STAB1: variants seen among roughly 807,000 people sequenced by gnomAD.
STAB1 encodes stabilin-1.
STAB1 carries 250 observed loss-of-function variants against 332.4 expected under a neutral mutation model. That is an observed-to-expected ratio of 0.75 (90% CI 0.68 to 0.84). STAB1 has a LOEUF of 0.84. Among genes scored for constraint, STAB1 ranks in the 40% least tolerant of loss-of-function variants. The pLI is 0.00. For synonymous variants in STAB1, 1,475 were observed against 1,390.4 expected (o/e 1.06, Z -1.35); for missense variants, 3,249 against 3,489.7 (o/e 0.93, Z 1.74).
At position 52,520,237 on chromosome 3, in the gene STAB1, C is replaced by A; in HGVS notation, c.5446C>A (p.Leu1816Ile). ...LASDLPNLGP[L>I]RTMHGTPISF... ...ATCTGACCTGCCCAACCTGGGCCCA[C>A]TTCGAACCATGCATGGGACCCCCAT... is the stretch of plus-strand genomic sequence containing the variant. The change falls in exon 52 of 69, where the codon CTT becomes ATT. Residue 1816 changes from leucine to isoleucine, a missense_variant. Coordinates refer to ENST00000321725, the MANE Select transcript of STAB1 (RefSeq NM_015136.3). 1 of 1,613,176 alleles carries A rather than the reference C, an allele frequency of 6.2e-7. No homozygotes were observed.
chr3:52,508,078 C>T (rs746547511), intron 20 of STAB1, 52 bp downstream of exon 20: 50 of 1,571,534 alleles, frequency 3.2e-5, no homozygotes, highest in Non-Finnish European at 4.3e-5. Context: ...ACCTGCTGTT[C>T]CTCGGGGGCC....
chr3:52,522,513 C>T lies in STAB1; in HGVS notation c.6610+39C>T, dbSNP rs373346769. The T allele has an allele frequency of 6.2e-6, 10 of 1,613,056 alleles. No individual in the cohort carries two copies. The African/African-American group carries it at 1.2e-4, about 19-fold the overall frequency. ...CCCACTCCCAGTACCCATTTCATTC[C>T]TCAGAGCCGGCCAGCTGACCATGCA... On this transcript the variant is annotated intron_variant, in intron 60 of 68. Transcript: ENST00000321725.
rs761663098 is a variant in STAB1 at position 52,510,060 on chromosome 3, A to G, written c.2534+4A>G. 5.6e-6 allele frequency: 9 copies of G among 1,611,114 alleles called. No homozygotes were observed. The highest frequency in any genetic ancestry group is 6.8e-6 in the Non-Finnish European group (8 of 1,178,398). ...TTAGCCAGGAGGGTGTTGCCAGGTG[A>G]GGACCCACACCTTCTGTCTGCCCCA... On this transcript the variant is annotated splice_donor_region_variant and intron_variant, in intron 23 of 68. Transcript: ENST00000321725.
Position 52,523,973 on chromosome 3 carries a change from C to G in STAB1, c.7498C>G (p.Arg2500Gly), listed in dbSNP as rs138382714. 3.1e-6 allele frequency: 5 copies of G among 1,611,686 alleles called. No individual in the cohort carries two copies. The highest frequency in any genetic ancestry group is 4.2e-6 in the Non-Finnish European group (5 of 1,179,910). Residue 2500 changes from arginine (R) to glycine (G), a missense_variant, in exon 67 of 69, where the codon CGT (arginine) becomes GGT (glycine). Arg to Gly is a moderately radical substitution (Grantham distance 125, BLOSUM62 -2). Transcript: ENST00000321725. ...CTTGGTGGCCGGAGCTCTCTACCTC[C>G]GTGCCCGAGGCAAGCCCATGGGCTT... Reference protein sequence around the residue: ...LGLVAGALYLRARGKPMGFGF... With the variant: ...LGLVAGALYLGARGKPMGFGF...
At chr3:52,504,616 C>T in intron 11 of STAB1, 67 bp downstream of exon 11, 1 of 1,611,846 alleles carries the variant, frequency 6.2e-7, no homozygotes, top group Non-Finnish European at 8.5e-7. Flanking sequence ...CATCCCCAGT[C>T]TTCAGGGCCA....
chr3:52,496,046 C>T (rs1432552117), intron 1 of STAB1, among the ~76,000 whole-genome samples: 1 of 152,236 alleles, frequency 6.6e-6, no homozygotes, highest in East Asian at 1.9e-4. Flanking sequence ...CCCTTGAATC[C>T]TCACAGCCTC....
At chr3:52,499,910 A>AAC (rs1553664550) in intron 1 of STAB1, among the ~76,000 whole-genome samples, 18 of 146,576 alleles carry the variant, frequency 1.2e-4, no homozygotes, top group Non-Finnish European at 2.4e-4. Context: ...AAAAAAAAAA[A>AAC]AAAAAAAAAA....
At chr3:52,519,790 T>A in intron 50 of STAB1, 154 bp from the exon 51 acceptor site, 1 of 1,147,922 alleles carries the variant, frequency 8.7e-7, no homozygotes, top group Non-Finnish European at 1.2e-6. Context: ...GTGTGCACAG[T>A]TGAGATGTGT....
At chr3:52,520,720 G>C in intron 54 of STAB1, 22 bp downstream of exon 54, 1 of 1,612,170 alleles carries the variant, frequency 6.2e-7, no homozygotes, top group Non-Finnish European at 8.5e-7. Context: ...GGGGCTGAGT[G>C]GGGGTGGTGG....
At chr3:52,514,880 G>A in intron 35 of STAB1, 51 bp downstream of exon 35, 1 of 1,612,840 alleles carries the variant, frequency 6.2e-7, no homozygotes, top group Non-Finnish European at 8.5e-7. Flanking sequence ...AGAGCTGGGA[G>A]GGCCTAGCTG....
In STAB1 at chr3:52,512,940, C is replaced by T. The variant is rs757442795; in HGVS notation, c.3140C>T (p.Thr1047Met). ...CGAGCTTTCTGGCTGCAGCCAAGGA[C>T]GCTGCCGAACCTGGTCAGGTGGGGC... is the stretch of plus-strand genomic sequence containing the variant. ...EDRAFWLQPR[T>M]LPNLVRAHFL... Residue 1047 changes from threonine to methionine, a missense_variant, in exon 29 of 69, where the codon ACG (threonine) becomes ATG (methionine). Thr to Met is a moderately conservative substitution (Grantham distance 81). Coordinates refer to ENST00000321725, the MANE Select transcript of STAB1 (RefSeq NM_015136.3). 2.4e-5 allele frequency: 39 copies of T among 1,610,678 alleles called. No homozygotes were observed. Among genetic ancestry groups the T allele is most frequent in the East Asian group, 2.0e-4 (9 of 44,860 alleles).
Position 52,510,061 on chromosome 3 carries a change from G to A in STAB1, c.2534+5G>A. The A allele has an allele frequency of 6.2e-7, 1 of 1,611,552 alleles. No homozygotes were observed. The highest frequency in any genetic ancestry group is 8.5e-7 in the Non-Finnish European group (1 of 1,178,750). On this transcript the variant is annotated splice_donor_5th_base_variant and intron_variant, in intron 23 of 68. Transcript: ENST00000321725. ...TAGCCAGGAGGGTGTTGCCAGGTGA[G>A]GACCCACACCTTCTGTCTGCCCCAC... is the stretch of plus-strand genomic sequence containing the variant.
rs1440979411 is a variant in STAB1, at chr3:52,521,307, G to A, written c.5909-54G>A. On this transcript the variant is annotated intron_variant, in intron 55 of 68. Coordinates refer to ENST00000321725, the MANE Select transcript of STAB1 (RefSeq NM_015136.3). ...GGGCTAGGCTGGAGGTACGTATATGGGGGTCCTGGTGAGAGCCCCTGGCCC... is the reference window on the plus strand; with the variant it reads ...GGGCTAGGCTGGAGGTACGTATATGAGGGTCCTGGTGAGAGCCCCTGGCCC... The A allele has an allele frequency of 3.1e-6, 5 of 1,609,300 alleles. No individual in the cohort carries two copies. The African/African-American group carries it at 6.7e-5, about 22-fold the overall frequency.
Position 52,523,866 on chromosome 3 carries a change from T to A in STAB1, c.7396-5T>A. 6.3e-7 allele frequency: 1 copy of A among 1,595,984 alleles called. No individual in the cohort carries two copies. The highest frequency in any genetic ancestry group is 8.5e-7 in the Non-Finnish European group (1 of 1,171,336). ...CAGGTCAACACTCTCCCTGTTTGTT[T>A]GTAGCAGGCAGTGCTGGCGCCTGAA... On this transcript the variant is annotated splice_polypyrimidine_tract_variant and splice_region_variant and intron_variant, in intron 66 of 68. Coordinates refer to ENST00000321725, the MANE Select transcript of STAB1 (RefSeq NM_015136.3).
intron 17 of STAB1, 80 bp from the exon 18 acceptor site, chr3:52,506,612 G>C: frequency 6.9e-7 from 1 of 1,454,240 alleles, no homozygotes; most frequent in Non-Finnish European, 9.2e-7. Flanking sequence ...CTCTAACTGG[G>C]CTGCAGGGGT....
chr3:52,522,105 A>G lies in STAB1; in HGVS notation c.6340A>G (p.Met2114Val), dbSNP rs1392203352. The change falls in exon 59 of 69, where the codon ATG (methionine) becomes GTG (valine). Residue 2114 changes from methionine to valine, a missense_variant. By Grantham distance (21) the Met-to-Val change is conservative. Coordinates refer to ENST00000321725, the MANE Select transcript of STAB1 (RefSeq NM_015136.3). The stretch of plus-strand genomic sequence containing the variant: ...CGCCAACTGTAGCCAGGTAGGAACA[A>G]TGGTCACTTGTACCTGCCTGCCCGA... ...EHANCSQVGTMVTCTCLPDYE... is the reference protein window; with the variant it reads ...EHANCSQVGTVVTCTCLPDYE... The G allele has an allele frequency of 6.2e-7, 1 of 1,612,994 alleles. No homozygotes were observed. Among genetic ancestry groups the G allele is most frequent in the Non-Finnish European group, 8.5e-7 (1 of 1,179,992 alleles).
intron 45 of STAB1, 78 bp downstream of exon 45, chr3:52,518,081 C>A (rs1172644235): frequency 2.0e-6 from 3 of 1,534,842 alleles, no homozygotes; most frequent in Non-Finnish European, 2.6e-6. Context: ...TGGCAAAGAT[C>A]CGATTTGATC....
At position 52,512,908 on chromosome 3, in the gene STAB1, C is replaced by T. The variant is rs545909150; in HGVS notation, c.3108C>T (p.Pro1036=). The part of the protein sequence containing the change: ...PSEAAVRQLS[P]EDRAFWLQPR... ...AGGCTGCAGTCCGTCAGCTGAGCCC[C>T]GAGGACCGAGCTTTCTGGCTGCAGC... The change falls in exon 29 of 69, where the codon CCC becomes CCT. Residue 1036 remains proline, a synonymous_variant. Transcript: ENST00000321725. The T allele has an allele frequency of 3.3e-5, 53 of 1,612,040 alleles. No homozygotes were observed. The East Asian group carries it at 1.0e-3, about 32-fold the overall frequency.
chr3:52,517,182 A>C, intron 42 of STAB1, 73 bp downstream of exon 42: 1 of 1,507,640 alleles, frequency 6.6e-7, no homozygotes, highest in Non-Finnish European at 8.9e-7. Flanking sequence ...TCAGATTAGG[A>C]AGGGCTGAAG....
Sources: allele counts gnomAD v4.1 joint callset (sites outside exome capture counted in the v4.1 genomes callset), GRCh38; gene constraint gnomAD v4.1.1; transcripts MANE v1.5; gene names NCBI Gene and HGNC (gene_info 2026-07-23, HGNC 2026-07-21).